The following RBBP8 variants were observed in gnomAD, a reference collection of about 807,000 sequenced individuals.
RBBP8 encodes the protein RB binding protein 8, endonuclease.
In RBBP8, 88 loss-of-function variants were observed where a neutral mutation model predicts 108.3. The ratio of observed to expected loss-of-function variants is 0.81; its 90% confidence interval spans 0.68 to 0.97. RBBP8 has a LOEUF of 0.97. Among genes scored for constraint, RBBP8 ranks in the 50% least tolerant of loss-of-function variants. RBBP8 has a pLI of 0.00. For missense variants in RBBP8, 1,023 were observed against 1,049.0 expected (o/e 0.98, Z 0.34); for synonymous variants, 332 against 348.2 (o/e 0.95, Z 0.52).
chr18:22,996,583 G>T, intron 13 of RBBP8, 121 bp downstream of exon 13: 2 of 1,455,070 alleles, frequency 1.4e-6, no homozygotes, highest in East Asian at 2.5e-5. Flanking sequence ...AAACCTACAT[G>T]TATTTATGCA....
At chr18:22,987,321 T>C (rs1915397607) in intron 8 of RBBP8, among the ~76,000 whole-genome samples, 1 of 152,078 alleles carries the variant, frequency 6.6e-6, no homozygotes, top group Non-Finnish European at 1.5e-5. Context: ...CTTACAGGGA[T>C]TGAAGAGAGG....
In RBBP8 at chr18:23,007,374, G is replaced by C. The variant is rs187340702; in HGVS notation, c.2357+942G>C. 3.6e-3 allele frequency among the ~76,000 whole-genome samples: 548 copies of C among 151,558 alleles called. 3 individuals carry two copies. Among genetic ancestry groups the C allele is most frequent in the African/African-American group, 0.013 (534 of 41,296 alleles). ...CTTTTTATTCTATCTTTTCAACTTG[G>C]GGCATTTATTAAATTGTATAAGTTT... On this transcript the variant is annotated intron_variant, in intron 16 of 18. Transcript: ENST00000327155.
At chr18:22,931,207 T>C (rs958102193), upstream of RBBP8, among the ~76,000 whole-genome samples, 1 of 152,032 alleles carries the variant, frequency 6.6e-6, no homozygotes, top group Non-Finnish European at 1.5e-5. Context: ...ACATGATTAG[T>C]AGATAGCTGG....
chr18:22,931,071 G>C (rs1910005599), upstream of RBBP8, among the ~76,000 whole-genome samples: 1 of 152,126 alleles, frequency 6.6e-6, no homozygotes, highest in Non-Finnish European at 1.5e-5. Context: ...TTTATCTCAA[G>C]AAATTTACAG....
upstream of RBBP8, chr18:22,933,226 C>G (rs972816314): frequency 6.6e-6 from 1 of 152,244 alleles, no homozygotes; most frequent in Non-Finnish European, 1.5e-5. Flanking sequence ...CCATCGCCCT[C>G]CGGGATGGGC....
intron 16 of RBBP8, among the ~76,000 whole-genome samples, chr18:23,016,283 G>A (rs1568004691): frequency 1.3e-5 from 2 of 151,940 alleles, no homozygotes; most frequent in Admixed American, 6.6e-5. Context: ...AGTGGCTCAC[G>A]CCTGTAATCC....
intron 14 of RBBP8, among the ~76,000 whole-genome samples, chr18:23,001,226 C>A (rs932274710): frequency 1.3e-5 from 2 of 152,220 alleles, no homozygotes; most frequent in Non-Finnish European, 2.9e-5. Context: ...GTCTACAAGC[C>A]TTTCACTACC....
intron 1 of RBBP8, among the ~76,000 whole-genome samples, 169 bp from the exon 2 acceptor site, chr18:22,936,585 A>G (rs545422400): frequency 5.3e-5 from 8 of 152,292 alleles, no homozygotes; most frequent in Non-Finnish European, 1.0e-4. Context: ...TTTTCTCACC[A>G]TTATCATCTT....
chr18:22,970,322 A>G (rs1194868854), intron 5 of RBBP8, among the ~76,000 whole-genome samples: 3 of 152,224 alleles, frequency 2.0e-5, no homozygotes, highest in Non-Finnish European at 2.9e-5. Context: ...AATAATCTCC[A>G]ATAATGTCTA....
At chr18:22,925,511 C>CA (rs1459944866) in intron 3 of RBBP8, among the ~76,000 whole-genome samples, 1 of 152,094 alleles carries the variant, frequency 6.6e-6, no homozygotes, top group Non-Finnish European at 1.5e-5. Flanking sequence ...CAAAAAAAGA[C>CA]AGTGCGTTTA....
intron 18 of RBBP8, among the ~76,000 whole-genome samples, chr18:23,022,637 T>TAAAATAAAATAAAATAAAATA (rs376205689): frequency 1.3e-5 from 1 of 78,052 alleles, no homozygotes; most frequent in Non-Finnish European, 2.6e-5. Context: ...TAAAATAAAA[T>TAAAATAAAATAAAATAAAATA]AAATAAAATA....
intron 2 of RBBP8, among the ~76,000 whole-genome samples, chr18:22,945,585 G>A (rs796629243): frequency 2.6e-5 from 4 of 152,022 alleles, no homozygotes; most frequent in African/African-American, 7.2e-5. Flanking sequence ...GTTTCTCCAC[G>A]TTGATCGGGC....
rs116892749 is a variant in RBBP8 at position 23,000,715 on chromosome 18, C to G, written c.2144-871C>G. 2.7e-5 allele frequency among the ~76,000 whole-genome samples: 4 copies of G among 147,940 alleles called. No homozygotes were observed. In the East Asian group the frequency reaches 7.9e-4, roughly 29 times the overall value. ...AATATCGCCTCACTGCACTCCAGCC[C>G]GGGTGACAGAGCAAGACTCCGTCTC... On this transcript the variant is annotated intron_variant, in intron 14 of 18. Transcript: ENST00000327155.
chr18:22,914,994 C>T (rs560727358), intron 1 of RBBP8, among the ~76,000 whole-genome samples: 80 of 151,946 alleles, frequency 5.3e-4, no homozygotes, highest in Non-Finnish European at 9.1e-4. Context: ...TTACGTAATC[C>T]AATTAATTTA....
intron 17 of RBBP8, among the ~76,000 whole-genome samples, chr18:23,021,240 C>T (rs2046341896): frequency 6.6e-6 from 1 of 152,008 alleles, no homozygotes; most frequent in South Asian, 2.1e-4. Flanking sequence ...AGTAAAACCC[C>T]GTCCGTGTCT....
At chr18:22,958,220 G>A (rs1208768382) in intron 4 of RBBP8, among the ~76,000 whole-genome samples, 2 of 152,140 alleles carry the variant, frequency 1.3e-5, no homozygotes, top group Non-Finnish European at 2.9e-5. Context: ...TCTAGAAGTT[G>A]GAAAATAGTA....
upstream of RBBP8, among the ~76,000 whole-genome samples, chr18:22,928,760 C>G (rs1347979508): frequency 1.3e-5 from 2 of 151,706 alleles, no homozygotes; most frequent in African/African-American, 4.9e-5. Context: ...ACCTCCGCCT[C>G]CTGGGTTCAA....
chr18:23,011,613 GT>G (rs1021197645), intron 16 of RBBP8, among the ~76,000 whole-genome samples: 2 of 151,658 alleles, frequency 1.3e-5, no homozygotes, highest in Non-Finnish European at 2.9e-5. Flanking sequence ...ATTTTTTTGT[GT>G]TTTTTTAGTA....
At chr18:22,991,336 G>A (rs189348989) in intron 10 of RBBP8, among the ~76,000 whole-genome samples, 89 of 152,182 alleles carry the variant, frequency 5.8e-4, no homozygotes, top group Non-Finnish European at 9.3e-4. Flanking sequence ...TCATCCCTTC[G>A]GGGTTTATAT....
Sources: allele counts gnomAD v4.1 joint callset (sites outside exome capture counted in the v4.1 genomes callset), GRCh38; gene constraint gnomAD v4.1.1; transcripts MANE v1.5; gene names NCBI Gene and HGNC (gene_info 2026-07-23, HGNC 2026-07-21).